PDLIM2: variants seen among roughly 807,000 people sequenced by gnomAD.
The protein encoded by PDLIM2 is PDZ and LIM domain protein 2.
A neutral mutation model predicts 54.1 loss-of-function variants in PDLIM2; 51 were observed. That is an observed-to-expected ratio of 0.94 (90% CI 0.75 to 1.19). PDLIM2 has a LOEUF of 1.19. PDLIM2 is among the 50% of genes most tolerant of loss of function. PDLIM2 has a pLI of 0.00. For synonymous variants in PDLIM2, 398 were observed against 385.6 expected, an observed-to-expected ratio of 1.03 and a Z score of -0.38; for missense variants, 912 against 874.0, an observed-to-expected ratio of 1.04 and a Z score of -0.55.
At chr8:22,589,472 C>T (rs1800472737) in intron 7 of PDLIM2, 98 bp downstream of exon 6, 7 of 1,527,446 alleles carry the variant, frequency 4.6e-6, no homozygotes, top group Non-Finnish European at 6.2e-6. Flanking sequence ...TCCCCCAAGC[C>T]CAGTTGGCTC....
At chr8:22,591,520 C>T in intron 8 of PDLIM2, 31 bp from the exon 8 acceptor site, 1 of 1,594,886 alleles carries the variant, frequency 6.3e-7, no homozygotes, top group Non-Finnish European at 8.6e-7. Context: ...TTGGTGGGCT[C>T]TCACCACATG....
intron 3 of PDLIM2, 124 bp from the exon 3 acceptor site, chr8:22,584,697 A>T (rs745446716): frequency 2.7e-5 from 22 of 820,112 alleles, no homozygotes; most frequent in Non-Finnish European, 4.1e-5. Flanking sequence ...TGACAACCGG[A>T]TGTCCAAATT....
At chr8:22,585,070 C>G in exon 5 of PDLIM2, 1 of 1,614,042 alleles carries the variant, frequency 6.2e-7, no homozygotes, top group Non-Finnish European at 8.5e-7. Context: ...CCTCCTACTC[C>G]AGCCCAACCT....
chr8:22,591,737 T>G (rs1011345966), intron 9 of PDLIM2, 69 bp downstream of exon 8: 4 of 1,427,850 alleles, frequency 2.8e-6, no homozygotes, highest in Non-Finnish European at 3.8e-6. Flanking sequence ...GGGCACTGGA[T>G]GCTTTCAGGA....
At chr8:22,589,046 T>C (rs1800455346) in intron 6 of PDLIM2, 1 of 576,018 alleles carries the variant, frequency 1.7e-6, no homozygotes, top group East Asian at 3.1e-5. Flanking sequence ...AGAACCCGCA[T>C]GCCTCCCTCC....
intron 3 of PDLIM2, among the ~76,000 whole-genome samples, chr8:22,583,817 G>C (rs1800282866): frequency 7.9e-6 from 1 of 126,026 alleles, no homozygotes; most frequent in African/African-American, 3.0e-5. Context: ...ACAAACCCGA[G>C]GCTGAGTGAT....
exon 1 of PDLIM2, chr8:22,578,762 C>CTGGGG: frequency 8.1e-7 from 1 of 1,233,686 alleles, no homozygotes; most frequent in Non-Finnish European, 1.0e-6. Context: ...GGCAGCCCAC[C>CTGGGG]CTGCCCAGGA....
intron 6 of PDLIM2, among the ~76,000 whole-genome samples, chr8:22,585,983 C>T (rs1800371699): frequency 1.3e-5 from 2 of 152,054 alleles, no homozygotes; most frequent in Non-Finnish European, 2.9e-5. Flanking sequence ...ACAGCCTAAC[C>T]CCCTTCCTGG....
chr8:22,588,844 G>A (rs1281978853), intron 6 of PDLIM2: 5 of 195,584 alleles, frequency 2.6e-5, no homozygotes, highest in Admixed American at 5.8e-5. Flanking sequence ...AGGGGACTTC[G>A]ACCCCTTGCT....
At chr8:22,584,304 G>T (rs185877256) in intron 3 of PDLIM2, among the ~76,000 whole-genome samples, 1 of 151,642 alleles carries the variant, frequency 6.6e-6, no homozygotes, top group East Asian at 1.9e-4. Flanking sequence ...GTGAGCCACC[G>T]TGCCCGGCCT....
chr8:22,579,908 G>C (rs1389990384), intron 1 of PDLIM2: 1 of 206,418 alleles, frequency 4.8e-6, no homozygotes, highest in Non-Finnish European at 9.7e-6. Flanking sequence ...GGTGTGTCCA[G>C]CTTGACAGAT....
downstream of PDLIM2, chr8:22,594,826 G>A: frequency 3.0e-6 from 3 of 988,964 alleles, no homozygotes; most frequent in Non-Finnish European, 4.2e-6. Flanking sequence ...GTACTGGGGA[G>A]GCCTGAGGAG....
intron 3 of PDLIM2, among the ~76,000 whole-genome samples, chr8:22,584,239 C>T (rs1800302630): frequency 6.6e-6 from 1 of 151,078 alleles, no homozygotes; most frequent in African/African-American, 2.4e-5. Flanking sequence ...GTCTGGAACT[C>T]CTAACTTCAA....
At chr8:22,593,581 A>AAC in intron 9 of PDLIM2, 152 bp from the exon 9 acceptor site, 1 of 209,906 alleles carries the variant, frequency 4.8e-6, no homozygotes, top group Non-Finnish European at 8.5e-6. Context: ...CCATCTCAAA[A>AAC]AAAAAAAAAA....
chr8:22,589,647 C>G, exon 8 of PDLIM2: 1 of 1,592,484 alleles, frequency 6.3e-7, no homozygotes. Flanking sequence ...CGGAAGTCTT[C>G]AAGATGCTGC....
At chr8:22,583,650 C>G (rs1800277816) in intron 3 of PDLIM2, among the ~76,000 whole-genome samples, 1 of 151,814 alleles carries the variant, frequency 6.6e-6, no homozygotes, top group African/African-American at 2.4e-5. Context: ...CCTGTAGTCC[C>G]AGCTACCTGG....
intron 7 of PDLIM2, 41 bp from the exon 7 acceptor site, chr8:22,589,555 C>G: frequency 6.3e-7 from 1 of 1,583,312 alleles, no homozygotes; most frequent in Non-Finnish European, 8.6e-7. Context: ...GCCTAAGCTC[C>G]GGCACGGGAC....
downstream of PDLIM2, chr8:22,596,879 C>T (rs1370207612): frequency 1.3e-5 from 2 of 152,200 alleles, no homozygotes; most frequent in Non-Finnish European, 2.9e-5. Flanking sequence ...CCAGGAGGTT[C>T]AGTAAATGGT....
chr8:22,578,801 C>T (rs967753136), exon 1 of PDLIM2: 2 of 1,234,350 alleles, frequency 1.6e-6, no homozygotes, highest in Non-Finnish European at 1.0e-6. Context: ...GAGAGCGCGG[C>T]CGGCGTGGGA....
Sources: allele counts gnomAD v4.1 joint callset (sites outside exome capture counted in the v4.1 genomes callset), GRCh38; gene constraint gnomAD v4.1.1; transcripts MANE v1.5; gene names NCBI Gene and HGNC (gene_info 2026-07-23, HGNC 2026-07-21).